MAEA: variants seen among roughly 807,000 people sequenced by gnomAD.
MAEA encodes the protein macrophage erythroblast attacher, E3 ubiquitin ligase.
A neutral mutation model predicts 46.2 loss-of-function variants in MAEA; 22 were observed. That is an observed-to-expected ratio of 0.48 (90% CI 0.34 to 0.68). The LOEUF (loss-of-function observed/expected upper bound fraction) is 0.68, where lower values mean the gene tolerates loss of function less well. MAEA is among the 30% of genes least tolerant of loss of function. The pLI, the probability that MAEA is intolerant of heterozygous loss-of-function variation, is 0.01. For missense variants in MAEA, 393 were observed against 558.1 expected (o/e 0.70, Z 2.98); for synonymous variants, 246 against 222.6 (o/e 1.11, Z -0.94).
intron 1 of MAEA, among the ~76,000 whole-genome samples, chr4:1,304,291 T>G (rs1735621970): frequency 1.3e-5 from 2 of 152,114 alleles, no homozygotes; most frequent in Admixed American, 6.5e-5. Context: ...TATTTATTGT[T>G]TGTTTATTTT....
intron 1 of MAEA, among the ~76,000 whole-genome samples, chr4:1,295,446 C>T (rs569105387): frequency 4.5e-4 from 68 of 152,064 alleles, no homozygotes; most frequent in African/African-American, 1.1e-3. Flanking sequence ...GGACCCGGAC[C>T]GGGACCCTGA....
At chr4:1,302,168 G>C (rs975247092) in intron 1 of MAEA, among the ~76,000 whole-genome samples, 1 of 152,236 alleles carries the variant, frequency 6.6e-6, no homozygotes, top group Non-Finnish European at 1.5e-5. Context: ...TCAGGACTAA[G>C]TAGGATTTCC....
chr4:1,330,223 C>A, intron 5 of MAEA: 1 of 815,736 alleles, frequency 1.2e-6, no homozygotes, highest in African/African-American at 1.9e-5. Context: ...ACTTCATGGG[C>A]TTTGTGTGAG....
rs770059463 is a variant in MAEA, at chr4:1,336,877, C to T, written c.782C>T (p.Ala261Val). The T allele has an allele frequency of 6.2e-7, 1 of 1,613,880 alleles. No homozygotes were observed. The highest frequency in any genetic ancestry group is 8.5e-7 in the Non-Finnish European group (1 of 1,179,936). ...GTCTTCCAGGACCTTCTGGACCCTG[C>T]ACGGTGGCGGATGCTGATCCAGCAG... ...ISPYKDLLDP[A>V]RWRMLIQQFR... Residue 261 changes from alanine to valine, a missense_variant, in exon 7 of 9, where the codon GCA becomes GTA. This residue lies in a region of MAEA where 358 missense variants were observed against 537.9 expected (regional missense o/e 0.67). Transcript: ENST00000303400.
intron 1 of MAEA, among the ~76,000 whole-genome samples, chr4:1,298,674 T>C (rs1271214431): frequency 2.6e-5 from 4 of 152,084 alleles, no homozygotes; most frequent in African/African-American, 9.7e-5. Context: ...ATCCTCGCGT[T>C]TCCCCCCGGG....
rs373578462 is a variant in MAEA, at chr4:1,311,577, G to A, written c.70-402G>A. Among the ~76,000 whole-genome samples, 7 of 152,126 alleles carry A rather than the reference G, an allele frequency of 4.6e-5. No individual in the cohort carries two copies. The highest frequency in any genetic ancestry group is 2.9e-5 in the Non-Finnish European group (2 of 68,030). On this transcript the variant is annotated intron_variant, in intron 1 of 8. Coordinates refer to ENST00000303400, the MANE Select transcript of MAEA (RefSeq NM_001017405.3). This position sits in a 1 kb window ranked among gnomAD's most constrained non-coding sequence, Gnocchi z 4.4. ...CCTTGTCCCTGCCCGGCCTGGCCTCGTGTGGTGGCGCCTGCAGCCGCAGCA... is the reference window on the plus strand; with the variant it reads ...CCTTGTCCCTGCCCGGCCTGGCCTCATGTGGTGGCGCCTGCAGCCGCAGCA...
chr4:1,295,781 G>A (rs1222947504), intron 1 of MAEA, among the ~76,000 whole-genome samples: 4 of 61,940 alleles, frequency 6.5e-5, no homozygotes, highest in African/African-American at 1.7e-4. Context: ...CCCCTCACCC[G>A]CGCCTGTGCC....
chr4:1,338,564 A>G lies in MAEA; in HGVS notation c.1042A>G (p.Asn348Asp). ...LVCKISGDVMNENNPPMMLPN... is the reference protein window; with the variant it reads ...LVCKISGDVMDENNPPMMLPN... ...CTGCAAGATTTCTGGCGACGTGATG[A>G]ACGAGAACAATCCGCCCATGATGCT... Residue 348 changes from asparagine to aspartate, a missense_variant, in exon 8 of 9, where the codon AAC becomes GAC. Physicochemically the swap from Asn to Asp is conservative, Grantham distance 23. Coordinates refer to ENST00000303400, the MANE Select transcript of MAEA (RefSeq NM_001017405.3). The G allele has an allele frequency of 6.2e-7, 1 of 1,613,216 alleles. No homozygotes were observed. The highest frequency in any genetic ancestry group is 8.5e-7 in the Non-Finnish European group (1 of 1,179,960).
intron 1 of MAEA, among the ~76,000 whole-genome samples, chr4:1,303,916 G>A (rs1169320525): frequency 7.0e-6 from 1 of 143,786 alleles, no homozygotes; most frequent in African/African-American, 2.6e-5. Context: ...TGGGGGTCGG[G>A]CAGGGCAGGG....
intron 1 of MAEA, among the ~76,000 whole-genome samples, chr4:1,299,064 A>T (rs892588531): frequency 6.6e-6 from 1 of 151,792 alleles, no homozygotes; most frequent in South Asian, 2.1e-4. Flanking sequence ...TTATTTGTAG[A>T]GATAGGTTCT....
At chr4:1,326,947 C>G (rs922588302) in intron 4 of MAEA, among the ~76,000 whole-genome samples, 7 of 151,960 alleles carry the variant, frequency 4.6e-5, no homozygotes, top group South Asian at 2.1e-4. Context: ...GCCTCATGCC[C>G]CTGTGAGGCA....
At chr4:1,319,784 T>C (rs903771641) in intron 3 of MAEA, among the ~76,000 whole-genome samples, 3 of 91,364 alleles carry the variant, frequency 3.3e-5, no homozygotes, top group African/African-American at 5.7e-5. Context: ...AAAGTAAGAC[T>C]TTGTGGGAGA....
intron 5 of MAEA, chr4:1,328,810 A>G (rs1218166177): frequency 2.8e-6 from 3 of 1,073,512 alleles, no homozygotes; most frequent in Non-Finnish European, 2.3e-6. Context: ...ACCTGGGCGC[A>G]TGGTGGCAGG....
intron 1 of MAEA, among the ~76,000 whole-genome samples, chr4:1,294,896 T>C (rs1200854562): frequency 6.6e-6 from 1 of 152,026 alleles, no homozygotes; most frequent in African/African-American, 2.4e-5. Flanking sequence ...GAGCTAAGTT[T>C]TGGGGTGAGG....
rs1736995440 is a variant in MAEA at position 1,315,386 on chromosome 4, G to A, written c.253-11G>A. On this transcript the variant is annotated splice_polypyrimidine_tract_variant and intron_variant, in intron 2 of 8. Coordinates refer to ENST00000303400, the MANE Select transcript of MAEA (RefSeq NM_001017405.3). The stretch of plus-strand genomic sequence containing the variant: ...CCTGTCCTGAACGTGCCTCTGTTGT[G>A]TGTGGCTCAGGCGGTGGAATCCATC... 6.2e-7 allele frequency: 1 copy of A among 1,613,632 alleles called. No homozygotes were observed. The highest frequency in any genetic ancestry group is 8.5e-7 in the Non-Finnish European group (1 of 1,179,834).
chr4:1,322,560 G>T, intron 4 of MAEA, 57 bp downstream of exon 4: 10 of 1,595,848 alleles, frequency 6.3e-6, no homozygotes, highest in Non-Finnish European at 8.5e-6. Context: ...TGCGCCACCT[G>T]CCCTGGAGCC....
chr4:1,312,128 C>T lies in MAEA; in HGVS notation c.219C>T (p.Gly73=), dbSNP rs968516376. ...AVDSVVSLLD[G]VVEKLSVLKR... The stretch of plus-strand genomic sequence containing the variant: ...ACTCCGTGGTCAGCCTGCTGGACGG[C>T]GTGGTGGAGAAGCTCAGCGTCCTCA... The change falls in exon 2 of 9, where the codon GGC becomes GGT. Residue 73 remains glycine, a synonymous_variant. Coordinates refer to ENST00000303400, the MANE Select transcript of MAEA (RefSeq NM_001017405.3). 8 of 1,613,766 alleles carry T rather than the reference C, an allele frequency of 5.0e-6. No individual in the cohort carries two copies. The highest frequency in any genetic ancestry group is 1.6e-4 in the Middle Eastern group (1 of 6,084).
chr4:1,303,325 C>T (rs943695014), intron 1 of MAEA, among the ~76,000 whole-genome samples: 2 of 144,534 alleles, frequency 1.4e-5, no homozygotes, highest in South Asian at 2.2e-4. Context: ...TCACTTAAAC[C>T]GGGGAGGCAG....
At chr4:1,310,054 C>T in intron 1 of MAEA, 1 of 1,103,988 alleles carries the variant, frequency 9.1e-7, no homozygotes, top group Non-Finnish European at 1.1e-6. Context: ...GCCGCTTTGT[C>T]TAATGGTCTA....
Sources: allele counts gnomAD v4.1 joint callset (sites outside exome capture counted in the v4.1 genomes callset), GRCh38; gene constraint gnomAD v4.1.1; regional missense constraint gnomAD v4.1.1; non-coding constraint Gnocchi (gnomAD v3.1); transcripts MANE v1.5; gene names NCBI Gene and HGNC (gene_info 2026-07-23, HGNC 2026-07-21).